Variants in SUGT1 observed in about 807,000 individuals in gnomAD.
The protein encoded by SUGT1 is protein SGT1 homolog.
Under a neutral mutation model 56.1 loss-of-function variants are expected in SUGT1, and 15 were observed. That is an observed-to-expected ratio of 0.27 (90% CI 0.18 to 0.41). The LOEUF is 0.41. SUGT1 is among the 10% of genes least tolerant of loss of function. SUGT1 has a pLI of 1.00. For synonymous variants in SUGT1, 123 were observed against 128.6 expected, an observed-to-expected ratio of 0.96 and a Z score of 0.30; for missense variants, 347 against 382.2, an observed-to-expected ratio of 0.91 and a Z score of 0.77.
chr13:52,654,476 A>T (rs1481099376), intron 2 of SUGT1, among the ~76,000 whole-genome samples: 1 of 152,214 alleles, frequency 6.6e-6, no homozygotes, highest in African/African-American at 2.4e-5. Context: ...TATATGATTT[A>T]TGTAAATAAC....
intron 10 of SUGT1, among the ~76,000 whole-genome samples, chr13:52,667,778 ACT>A (rs1014590790): frequency 9.9e-5 from 15 of 152,070 alleles, no homozygotes; most frequent in Non-Finnish European, 1.8e-4. Context: ...TAAAAATCTG[ACT>A]CTGGATCTTT....
chr13:52,659,964 G>C (rs539492885), intron 5 of SUGT1, among the ~76,000 whole-genome samples: 1 of 150,680 alleles, frequency 6.6e-6, no homozygotes, highest in East Asian at 1.9e-4. Flanking sequence ...GAGTAGCTGG[G>C]ACTACAGGCG....
At chr13:52,666,185 A>G (rs1376024582) in intron 9 of SUGT1, among the ~76,000 whole-genome samples, 1 of 152,214 alleles carries the variant, frequency 6.6e-6, no homozygotes, top group Non-Finnish European at 1.5e-5. Context: ...TCCTGGGTTC[A>G]AACAATTCTC....
chr13:52,654,919 T>G (rs1566172337), intron 2 of SUGT1, among the ~76,000 whole-genome samples: 1 of 152,254 alleles, frequency 6.6e-6, no homozygotes, highest in Non-Finnish European at 1.5e-5. Flanking sequence ...TGTATTTTGG[T>G]GAACACATGC....
At chr13:52,682,920 TAC>T (rs1489535496) in intron 12 of SUGT1, among the ~76,000 whole-genome samples, 1 of 152,250 alleles carries the variant, frequency 6.6e-6, no homozygotes, top group Non-Finnish European at 1.5e-5. Context: ...AATCTAGACA[TAC>T]AGTTAATTTT....
chr13:52,675,656 G>A (rs1349637613), intron 10 of SUGT1, among the ~76,000 whole-genome samples: 1 of 152,224 alleles, frequency 6.6e-6, no homozygotes, highest in African/African-American at 2.4e-5. Context: ...TTTGTTGAAT[G>A]AAAGATTGCC....
chr13:52,673,541 G>A (rs1458692808), intron 10 of SUGT1, among the ~76,000 whole-genome samples: 1 of 152,222 alleles, frequency 6.6e-6, no homozygotes. Context: ...TAAGAGCTTT[G>A]CCTTTTGCTT....
chr13:52,671,302 GTATATT>G (rs1228132839), intron 10 of SUGT1, among the ~76,000 whole-genome samples: 3 of 105,148 alleles, frequency 2.9e-5, no homozygotes, highest in Non-Finnish European at 5.6e-5. Flanking sequence ...ATTTTGTAAT[GTATATT>G]TATATATTTT....
At chr13:52,654,410 A>G (rs1228960794) in intron 2 of SUGT1, among the ~76,000 whole-genome samples, 3 of 152,224 alleles carry the variant, frequency 2.0e-5, no homozygotes, top group African/African-American at 7.2e-5. Flanking sequence ...TATTAACATA[A>G]TGAATTTTAT....
rs533827682 is a variant in SUGT1 at position 52,690,167 on chromosome 13, T to C, written c.*2332T>C. On this transcript the variant is annotated 3_prime_UTR_variant, in exon 13 of 13. Transcript: ENST00000310528. ...CTTGTCAAATACATTAGATTCATTA[T>C]AGGTCAAGGGAATTTTGAAAAGTAG... The C allele has an allele frequency of 3.9e-5, 6 of 152,176 alleles. No individual in the cohort carries two copies. The highest frequency in any genetic ancestry group is 8.8e-5 in the Non-Finnish European group (6 of 68,020). 9.4% of individuals were successfully genotyped at this position (152,176 alleles called of 1,614,324 possible). A position where few individuals can be genotyped will look rare whatever the true frequency, so the allele number is the denominator to read the frequency against.
At chr13:52,656,321 C>T (rs556009770) in intron 2 of SUGT1, among the ~76,000 whole-genome samples, 1 of 152,240 alleles carries the variant, frequency 6.6e-6, no homozygotes, top group South Asian at 2.1e-4. Context: ...TAGCAAGTCT[C>T]TCTGCTTCTA....
At chr13:52,677,044 G>A (rs1395892455) in intron 11 of SUGT1, among the ~76,000 whole-genome samples, 3 of 152,164 alleles carry the variant, frequency 2.0e-5, no homozygotes, top group Admixed American at 2.0e-4. Context: ...TTTATTGGAA[G>A]TAATGGTCTG....
At position 52,691,846 on chromosome 13, in the gene SUGT1, T is replaced by G. The variant is rs1963787215; in HGVS notation, c.*4011T>G. The stretch of plus-strand genomic sequence containing the variant: ...ATAAAAGGGTTCATCTCTTTTGATG[T>G]GGTTTCCCTTTCTCCATCTGTGCAT... On this transcript the variant is annotated 3_prime_UTR_variant, in exon 13 of 13. Transcript: ENST00000310528. 6.6e-6 allele frequency: 1 copy of G among 151,854 alleles called. No homozygotes were observed. The highest frequency in any genetic ancestry group is 1.5e-5 in the Non-Finnish European group (1 of 67,834). The allele number at this position is 151,854 out of a possible 1,614,324, so 9.4% of individuals were successfully genotyped here.
At chr13:52,678,107 C>T (rs559194724) in intron 11 of SUGT1, among the ~76,000 whole-genome samples, 19 of 152,286 alleles carry the variant, frequency 1.2e-4, no homozygotes, top group Non-Finnish European at 2.6e-4. Flanking sequence ...AACCTCTGTT[C>T]TCATCCTTCC....
chr13:52,660,350 A>G (rs74088603), intron 5 of SUGT1, among the ~76,000 whole-genome samples: 2,093 of 152,182 alleles, frequency 0.014, 47 homozygotes, highest in African/African-American at 0.048. Flanking sequence ...TGAATGGTGG[A>G]TGGGGGTTGT....
At chr13:52,673,026 T>G (rs534771975) in intron 10 of SUGT1, among the ~76,000 whole-genome samples, 1 of 152,280 alleles carries the variant, frequency 6.6e-6, no homozygotes, top group African/African-American at 2.4e-5. Context: ...TACCAAAGTT[T>G]TAAGTTACTT....
Position 52,698,031 on chromosome 13 carries a change from G to A in SUGT1, c.*10196G>A, listed in dbSNP as rs1339285501. On this transcript the variant is annotated 3_prime_UTR_variant, in exon 13 of 13. Coordinates refer to ENST00000310528, the MANE Select transcript of SUGT1 (RefSeq NM_006704.5). ...AGCTATTTCTTGTTCTGGAATATAA[G>A]TACAGTTACAGCAGAATAAGTACCA... The A allele has an allele frequency of 1.3e-5, 2 of 152,198 alleles. No individual in the cohort carries two copies. Among genetic ancestry groups the A allele is most frequent in the East Asian group, 1.9e-4 (1 of 5,202 alleles). The allele number at this position is 152,198 out of a possible 1,614,324, so 9.4% of individuals were successfully genotyped here. A position where few individuals can be genotyped will look rare whatever the true frequency, so the allele number is the denominator to read the frequency against.
intron 10 of SUGT1, among the ~76,000 whole-genome samples, chr13:52,675,066 C>G (rs759149437): frequency 5.9e-5 from 9 of 152,102 alleles, no homozygotes; most frequent in Non-Finnish European, 1.2e-4. Flanking sequence ...TACCCATGCT[C>G]CAGTTAGGCC....
chr13:52,658,615 A>T (rs1207224999), intron 4 of SUGT1, 147 bp downstream of exon 4: 21 of 710,352 alleles, frequency 3.0e-5, no homozygotes, highest in African/African-American at 5.5e-5. Context: ...TTTAAATACA[A>T]CTTATAGTTC....
Sources: allele counts gnomAD v4.1 joint callset (sites outside exome capture counted in the v4.1 genomes callset), GRCh38; gene constraint gnomAD v4.1.1; transcripts MANE v1.5; gene names NCBI Gene and HGNC (gene_info 2026-07-23, HGNC 2026-07-21).